ADH1B: variants seen among roughly 807,000 people sequenced by gnomAD.
ADH1B encodes the protein alcohol dehydrogenase 1B (class I), beta polypeptide.
Under a neutral mutation model 34.6 loss-of-function variants are expected in ADH1B, and 29 were observed. The observed-to-expected ratio is 0.84, with a 90% CI of 0.62 to 1.14. The LOEUF is 1.14. Among genes scored for constraint, ADH1B ranks in the 50% most tolerant of loss-of-function variants. ADH1B has a pLI of 0.00. For synonymous variants in ADH1B, 170 were observed against 175.5 expected (o/e 0.97, Z 0.25); for missense variants, 424 against 468.4 (o/e 0.91, Z 0.87).
chr4:99,306,854 T>G lies in ADH1B; in HGVS notation c.*986A>C, dbSNP rs1418944249. 2 of 152,248 alleles carry G rather than the reference T, an allele frequency of 1.3e-5. No individual in the cohort carries two copies. Among genetic ancestry groups the G allele is most frequent in the Admixed American group, 1.3e-4 (2 of 15,286 alleles). 9.4% of individuals were successfully genotyped at this position (152,248 alleles called of 1,614,324 possible). A position where few individuals can be genotyped will look rare whatever the true frequency, so the allele number is the denominator to read the frequency against. On this transcript the variant is annotated 3_prime_UTR_variant, in exon 9 of 9. Transcript: ENST00000305046. ...ATATACATTTGTATATGTGTATATATGTATGTGTATATATATATCTACTAG... is the reference window on the plus strand; with the variant it reads ...ATATACATTTGTATATGTGTATATAGGTATGTGTATATATATATCTACTAG...
In ADH1B at chr4:99,317,941, G is replaced by A. The variant is rs1363590440; in HGVS notation, c.259+105C>T. ...ACTCCTGAAGTCCTGGCTGCGCGGT[G>A]ACCTTGTGCAAGCACTTTCGTCTCT... On this transcript the variant is annotated intron_variant, in intron 3 of 8. Coordinates refer to ENST00000305046, the MANE Select transcript of ADH1B (RefSeq NM_000668.6). 1.0e-5 allele frequency: 16 copies of A among 1,541,882 alleles called. No homozygotes were observed. The Admixed American group carries it at 2.1e-4, about 20-fold the overall frequency.
chr4:99,318,763 T>C (rs758986990), intron 2 of ADH1B, 22 bp downstream of exon 2: 131 of 1,589,982 alleles, frequency 8.2e-5, no homozygotes, highest in Middle Eastern at 2.0e-4. Flanking sequence ...TAAAATGAAA[T>C]ATAAATGGAA....
intron 2 of ADH1B, chr4:99,318,420 C>A: frequency 3.5e-6 from 2 of 578,692 alleles, no homozygotes; most frequent in Non-Finnish European, 2.9e-6. Flanking sequence ...ATAATTGATT[C>A]TGAAATATTT....
At chr4:99,312,101 A>G (rs1421393636) in intron 6 of ADH1B, among the ~76,000 whole-genome samples, 1 of 152,224 alleles carries the variant, frequency 6.6e-6, no homozygotes, top group Non-Finnish European at 1.5e-5. Flanking sequence ...TTACATTAAA[A>G]TACACTGATC....
At position 99,310,891 on chromosome 4, in the gene ADH1B, T is replaced by C. The variant is rs763885429; in HGVS notation, c.977A>G (p.Lys326Arg). The change falls in exon 8 of 9, where the codon AAA becomes AGA. Residue 326 changes from lysine (K) to arginine (R), a missense_variant. Transcript: ENST00000305046. ...AGCCACAAGTTTTGGGATACCTTCT[T>C]TACTCTTAAAGCCTGAAAAGAAGAC... ...KGAVYGGFKS[K>R]EGIPKLVADF... The C allele has an allele frequency of 9.3e-6, 15 of 1,613,180 alleles. No homozygotes were observed. In the Admixed American group the frequency reaches 1.8e-4, roughly 20 times the overall value.
intron 6 of ADH1B, 72 bp from the exon 7 acceptor site, chr4:99,311,728 T>A: frequency 2.5e-6 from 4 of 1,570,206 alleles, no homozygotes; most frequent in Non-Finnish European, 3.5e-6. Flanking sequence ...CACAATATCA[T>A]GTAATAGGCT....
At chr4:99,316,728 G>T (rs1041326752) in intron 3 of ADH1B, 7 of 152,460 alleles carry the variant, frequency 4.6e-5, no homozygotes, top group African/African-American at 1.7e-4. Flanking sequence ...GGATGATCTG[G>T]TATTTTGTAA....
intron 1 of ADH1B, chr4:99,319,786 C>A (rs372132328): frequency 3.9e-5 from 6 of 152,222 alleles, no homozygotes; most frequent in South Asian, 4.1e-4. Context: ...CTAGAAAGAA[C>A]CAACATAATT....
intron 7 of ADH1B, 104 bp downstream of exon 7, chr4:99,311,417 C>A (rs938719688): frequency 3.0e-6 from 4 of 1,338,668 alleles, no homozygotes; most frequent in South Asian, 1.6e-5. Context: ...TTTTCAAAAT[C>A]TTGCCTTGTC....
chr4:99,310,212 C>A, intron 8 of ADH1B: 1 of 255,934 alleles, frequency 3.9e-6, no homozygotes, highest in Non-Finnish European at 7.6e-6. Context: ...GTATTTACTA[C>A]TCTTTTATGA....
At position 99,316,281 on chromosome 4, in the gene ADH1B, A is replaced by T. The variant is rs528239306; in HGVS notation, c.281T>A (p.Phe94Tyr). Residue 94 changes from phenylalanine (F) to tyrosine (Y), a missense_variant, in exon 4 of 9, where the codon TTT becomes TAT. Coordinates refer to ENST00000305046, the MANE Select transcript of ADH1B (RefSeq NM_000668.6). ...TCTGCATTTTCCACACTGAGGAGTA[A>T]AGAGCGGGATGACTTTATCACCTGG... ...VKPGDKVIPLFTPQCGKCRVC... is the reference protein window; with the variant it reads ...VKPGDKVIPLYTPQCGKCRVC... The T allele has an allele frequency of 4.1e-5, 66 of 1,614,156 alleles. No homozygotes were observed. In the South Asian group the frequency reaches 7.1e-4, roughly 17 times the overall value.
intron 1 of ADH1B, chr4:99,320,365 T>G (rs1238275903): frequency 6.6e-6 from 1 of 152,360 alleles, no homozygotes; most frequent in Admixed American, 6.5e-5. Context: ...CCAGTCTTAT[T>G]GATATGAGCC....
At position 99,305,346 on chromosome 4, in the gene ADH1B, A is replaced by C. The variant is rs1238782393; in HGVS notation, c.*2494T>G. The C allele has an allele frequency of 6.6e-6, 1 of 150,880 alleles. No individual in the cohort carries two copies. Among genetic ancestry groups the C allele is most frequent in the Admixed American group, 6.6e-5 (1 of 15,158 alleles). The allele number at this position is 150,880 out of a possible 1,614,324, so 9.3% of individuals were successfully genotyped here. On this transcript the variant is annotated 3_prime_UTR_variant, in exon 9 of 9. Coordinates refer to ENST00000305046, the MANE Select transcript of ADH1B (RefSeq NM_000668.6). ...TGTTTTCATATATCATGAGAAGTCAAAGAATCAAAGCAATATATTCTCACA... is the reference window on the plus strand; with the variant it reads ...TGTTTTCATATATCATGAGAAGTCACAGAATCAAAGCAATATATTCTCACA...
intron 7 of ADH1B, 94 bp downstream of exon 7, chr4:99,311,427 C>A (rs559388593): frequency 7.2e-6 from 10 of 1,391,962 alleles, no homozygotes; most frequent in Non-Finnish European, 9.7e-6. Context: ...CTTGCCTTGT[C>A]AATTGTAAAA....
intron 6 of ADH1B, among the ~76,000 whole-genome samples, chr4:99,313,032 C>CT (rs1267119599): frequency 0.048 from 6,886 of 142,078 alleles, 507 homozygotes; most frequent in African/African-American, 0.16. Context: ...TTTCTTTTTT[C>CT]TTTTTTTTTT....
At chr4:99,317,628 A>G in intron 3 of ADH1B, 1 of 171,742 alleles carries the variant, frequency 5.8e-6, no homozygotes, top group South Asian at 1.6e-4. Context: ...CATTTTGTGA[A>G]CTCAGCACAG....
intron 5 of ADH1B, 131 bp from the exon 6 acceptor site, chr4:99,314,212 C>T (rs1350409099): frequency 7.0e-7 from 1 of 1,430,170 alleles, no homozygotes; most frequent in African/African-American, 1.4e-5. Flanking sequence ...TTATCAAAAC[C>T]TCTTTTGGCT....
At chr4:99,308,504 AGG>A (rs1232030445) in intron 8 of ADH1B, among the ~76,000 whole-genome samples, 1 of 151,908 alleles carries the variant, frequency 6.6e-6, no homozygotes. Flanking sequence ...CGGATGTTTA[AGG>A]ATTTGTAGAA....
At chr4:99,320,903 C>G (rs1734008683) in intron 1 of ADH1B, 1 of 1,272,240 alleles carries the variant, frequency 7.9e-7, no homozygotes, top group Non-Finnish European at 1.0e-6. Context: ...AAACTTCTGT[C>G]AGACAACTTT....
Sources: gnomAD v4.1 joint callset for allele counts (sites outside exome capture counted in the v4.1 genomes callset) on GRCh38, gnomAD v4.1.1 for gene constraint, MANE v1.5 for transcripts, NCBI Gene and HGNC (gene_info 2026-07-23, HGNC 2026-07-21) for gene names.